Variants in BCAS3 observed in about 807,000 individuals in gnomAD.
BCAS3 encodes BCAS3 microtubule associated cell migration factor.
A neutral mutation model predicts 116.1 loss-of-function variants in BCAS3; 53 were observed. The observed-to-expected ratio is 0.46, with a 90% CI of 0.37 to 0.57. The LOEUF is 0.57. BCAS3 is among the 20% of genes least tolerant of loss of function. The pLI is 0.00. For missense variants in BCAS3, 917 were observed against 1,165.4 expected (o/e 0.79, Z 3.10); for synonymous variants, 391 against 408.2 (o/e 0.96, Z 0.51).
intron 5 of BCAS3, among the ~76,000 whole-genome samples, chr17:60,736,430 C>G (rs181385378): frequency 3.0e-3 from 460 of 152,102 alleles, no homozygotes; most frequent in Admixed American, 6.4e-3. Context: ...AAGTGATCCA[C>G]CCACGTCAGC....
intron 7 of BCAS3, among the ~76,000 whole-genome samples, chr17:60,815,549 A>G (rs2049301775): frequency 6.6e-6 from 1 of 152,236 alleles, no homozygotes; most frequent in African/African-American, 2.4e-5. Flanking sequence ...TTTTAAATAA[A>G]GTAACAAAAA....
chr17:60,865,652 T>G (rs2054533424), intron 7 of BCAS3, among the ~76,000 whole-genome samples: 1 of 152,222 alleles, frequency 6.6e-6, no homozygotes, highest in Non-Finnish European at 1.5e-5. Flanking sequence ...TTTAAAGAGA[T>G]TCTTTGGGAT....
intron 6 of BCAS3, among the ~76,000 whole-genome samples, chr17:60,753,314 C>A (rs1169778811): frequency 6.6e-6 from 1 of 151,516 alleles, no homozygotes; most frequent in Non-Finnish European, 1.5e-5. Flanking sequence ...TTTTATTATG[C>A]CTAACTTTAA....
rs2064888332 is a variant in BCAS3 at position 61,008,677 on chromosome 17, C to T, written c.1487-7074C>T. ...AAAAGCTTTGCTCTTCTGTAGAAGA[C>T]AAAAGTTTACCAAAAAATAAAAAAT... On this transcript the variant is annotated intron_variant, in intron 15 of 23. Coordinates refer to ENST00000407086, the MANE Select transcript of BCAS3 (RefSeq NM_017679.5). The surrounding 1 kb of genome is among the most constrained non-coding windows in gnomAD (Gnocchi z 4.6). Among the ~76,000 whole-genome samples, 5 of 148,462 alleles carry T rather than the reference C, an allele frequency of 3.4e-5. No homozygotes were observed. In the South Asian group the frequency reaches 1.1e-3, roughly 32 times the overall value.
intron 22 of BCAS3, among the ~76,000 whole-genome samples, chr17:61,093,579 CTTGT>C: frequency 6.6e-6 from 1 of 152,124 alleles, no homozygotes; most frequent in Non-Finnish European, 1.5e-5. Context: ...AGAGCAAGAC[CTTGT>C]TTAACAAACA....
chr17:60,914,468 G>T (rs1018921674), intron 12 of BCAS3, among the ~76,000 whole-genome samples: 1 of 152,166 alleles, frequency 6.6e-6, no homozygotes, highest in African/African-American at 2.4e-5. Context: ...AACATACAGG[G>T]TGTAGGGTTA....
At chr17:60,743,265 A>G (rs551404451) in intron 5 of BCAS3, among the ~76,000 whole-genome samples, 1 of 152,148 alleles carries the variant, frequency 6.6e-6, no homozygotes, top group Admixed American at 6.6e-5. Context: ...ATATTGTGGG[A>G]ACCCATTTAC....
At chr17:61,331,190 G>A (rs933589657) in intron 22 of BCAS3, among the ~76,000 whole-genome samples, 39 of 152,182 alleles carry the variant, frequency 2.6e-4, no homozygotes, top group African/African-American at 8.4e-4. Flanking sequence ...GCACACAGGG[G>A]TAGGGGATGG....
At chr17:60,773,961 G>T (rs1408240606) in intron 6 of BCAS3, among the ~76,000 whole-genome samples, 1 of 152,100 alleles carries the variant, frequency 6.6e-6, no homozygotes, top group Non-Finnish European at 1.5e-5. Context: ...TGTTATGTTC[G>T]TTGTGTGTTT....
rs542992138 is a variant in BCAS3 at position 60,680,715 on chromosome 17, A to G, written c.83+1175A>G. On this transcript the variant is annotated intron_variant, in intron 2 of 23. Transcript: ENST00000407086. Reference sequence around the variant, plus strand: ...CAGTGGCGCCGTCTCGGCTCGCTGCAGCCTCCACCTCCTCCTCTGTCTCCC... The same window carrying G: ...CAGTGGCGCCGTCTCGGCTCGCTGCGGCCTCCACCTCCTCCTCTGTCTCCC... Among the ~76,000 whole-genome samples the G allele has an allele frequency of 9.2e-5, 14 of 151,426 alleles. No individual in the cohort carries two copies. In the South Asian group the frequency reaches 2.7e-3, roughly 29 times the overall value.
Position 61,281,562 on chromosome 17 carries a change from T to G in BCAS3, c.2426-86765T>G, listed in dbSNP as rs75362063. Among the ~76,000 whole-genome samples, 6,892 of 152,260 alleles carry G rather than the reference T, an allele frequency of 0.045. 520 individuals are homozygous for G. The highest frequency in any genetic ancestry group is 0.16 in the African/African-American group (6,452 of 41,510). ...TGTGTCATTTTATTGTAATTTAAATTTGCATTTCTCTTAGACTGGCATGGA... is the reference window on the plus strand; with the variant it reads ...TGTGTCATTTTATTGTAATTTAAATGTGCATTTCTCTTAGACTGGCATGGA... On this transcript the variant is annotated intron_variant, in intron 22 of 23. Coordinates refer to ENST00000407086, the MANE Select transcript of BCAS3 (RefSeq NM_017679.5). This position sits in a 1 kb window ranked among gnomAD's most constrained non-coding sequence, Gnocchi z 4.2.
rs756744642 is a variant in BCAS3, at chr17:61,380,899, G to A, written c.2594-11078G>A. On this transcript the variant is annotated intron_variant, in intron 23 of 23. Transcript: ENST00000407086. This position sits in a 1 kb window ranked among gnomAD's most constrained non-coding sequence, Gnocchi z 4.2. ...TTTACCATTGACTGCCCCTCTTGTA[G>A]TGCGTCTATTAGTGAGTAATTTGAT... Among the ~76,000 whole-genome samples the A allele has an allele frequency of 1.3e-5, 2 of 152,240 alleles. No individual in the cohort carries two copies. Among genetic ancestry groups the A allele is most frequent in the Admixed American group, 1.3e-4 (2 of 15,284 alleles).
intron 22 of BCAS3, among the ~76,000 whole-genome samples, chr17:61,116,739 G>T (rs1267488200): frequency 6.6e-6 from 1 of 152,064 alleles, no homozygotes; most frequent in Non-Finnish European, 1.5e-5. Flanking sequence ...TTATTACTGA[G>T]TGATATTATG....
rs2057484312 is a variant in BCAS3 at position 61,346,036 on chromosome 17, G to T, written c.2426-22291G>T. ...GGTCAGTGAATTTAAGGCCAAAGGTGTTGGCTTGGTCATGCACCTGACATC... is the reference window on the plus strand; with the variant it reads ...GGTCAGTGAATTTAAGGCCAAAGGTTTTGGCTTGGTCATGCACCTGACATC... On this transcript the variant is annotated intron_variant, in intron 22 of 23. Coordinates refer to ENST00000407086, the MANE Select transcript of BCAS3 (RefSeq NM_017679.5). The surrounding 1 kb of genome is among the most constrained non-coding windows in gnomAD (Gnocchi z 5.4). 6.6e-6 allele frequency among the ~76,000 whole-genome samples: 1 copy of T among 152,178 alleles called. No individual in the cohort carries two copies. The highest frequency in any genetic ancestry group is 2.1e-4 in the South Asian group (1 of 4,826).
intron 10 of BCAS3, among the ~76,000 whole-genome samples, chr17:60,894,198 C>G (rs1002105840): frequency 2.0e-5 from 3 of 151,516 alleles, no homozygotes; most frequent in Non-Finnish European, 4.4e-5. Context: ...CATATTGATT[C>G]TTTCAGTTCA....
chr17:61,119,248 C>T (rs754676474), intron 22 of BCAS3, among the ~76,000 whole-genome samples: 5 of 152,030 alleles, frequency 3.3e-5, no homozygotes, highest in Admixed American at 6.6e-5. Context: ...ACATAACATA[C>T]ATAAAAGAGA....
intron 22 of BCAS3, among the ~76,000 whole-genome samples, chr17:61,271,382 T>A (rs1198048604): frequency 6.8e-6 from 1 of 147,286 alleles, no homozygotes; most frequent in Non-Finnish European, 1.5e-5. Context: ...TGCCTCAGCC[T>A]CCCAAAGTGC....
chr17:60,773,578 C>A (rs1871595481), intron 6 of BCAS3, among the ~76,000 whole-genome samples: 2 of 152,130 alleles, frequency 1.3e-5, no homozygotes, highest in African/African-American at 4.8e-5. Context: ...TAGGCATGAG[C>A]CACCACACCC....
chr17:61,182,406 A>AT (rs2079533887), intron 22 of BCAS3, among the ~76,000 whole-genome samples: 2 of 152,172 alleles, frequency 1.3e-5, no homozygotes, highest in Non-Finnish European at 2.9e-5. Flanking sequence ...AAAAAACCCC[A>AT]CTAGCCATCA....
Sources: allele counts gnomAD v4.1 joint callset (sites outside exome capture counted in the v4.1 genomes callset), GRCh38; gene constraint gnomAD v4.1.1; non-coding constraint Gnocchi (gnomAD v3.1); transcripts MANE v1.5; gene names NCBI Gene and HGNC (gene_info 2026-07-23, HGNC 2026-07-21).